The following PIK3CB variants were observed in gnomAD, a reference collection of about 807,000 sequenced individuals.
PIK3CB encodes the protein phosphatidylinositol-4,5-bisphosphate 3-kinase catalytic subunit beta, also known as phosphatidylinositol 4,5-bisphosphate 3-kinase catalytic subunit beta isoform.
A neutral mutation model predicts 136.8 loss-of-function variants in PIK3CB; 39 were observed. The ratio of observed to expected loss-of-function variants is 0.29; its 90% confidence interval spans 0.22 to 0.37. The LOEUF (loss-of-function observed/expected upper bound fraction) is 0.37, where lower values mean the gene tolerates loss of function less well. PIK3CB is among the 10% of genes least tolerant of loss of function. The probability of loss-of-function intolerance (pLI) is 1.00; values close to 1 mark genes in which losing one functional copy is unlikely to be tolerated. For synonymous variants in PIK3CB, 428 were observed against 436.6 expected (o/e 0.98, Z 0.25); for missense variants, 868 against 1,275.4 (o/e 0.68, Z 4.87).
chr3:138,689,549 C>G (rs923971898), intron 15 of PIK3CB, among the ~76,000 whole-genome samples: 2 of 152,140 alleles, frequency 1.3e-5, no homozygotes, highest in African/African-American at 4.8e-5. Context: ...CCTTGGCCTC[C>G]CAAAGTGCTG....
At chr3:138,740,059 C>A (rs1436148378) in intron 5 of PIK3CB, among the ~76,000 whole-genome samples, 2 of 151,680 alleles carry the variant, frequency 1.3e-5, no homozygotes, top group Admixed American at 1.3e-4. Flanking sequence ...TCCCAGCTTC[C>A]AGAATTGTGA....
At chr3:138,737,674 C>A (rs757742907) in intron 6 of PIK3CB, 33 bp downstream of exon 6, 2 of 1,119,246 alleles carry the variant, frequency 1.8e-6, no homozygotes, top group Non-Finnish European at 2.5e-6. Flanking sequence ...TACTCATAGA[C>A]TTTTCTGGTA....
At chr3:138,753,066 A>T (rs2108709731) in intron 4 of PIK3CB, among the ~76,000 whole-genome samples, 1 of 152,228 alleles carries the variant, frequency 6.6e-6, no homozygotes, top group South Asian at 2.1e-4. Flanking sequence ...CTACAAAAAA[A>T]AAGAAAAAAT....
chr3:138,700,849 A>C (rs2044237184), intron 12 of PIK3CB, among the ~76,000 whole-genome samples: 1 of 152,228 alleles, frequency 6.6e-6, no homozygotes, highest in Admixed American at 6.5e-5. Context: ...AGTAACACTG[A>C]TTCAAGGAAG....
chr3:138,782,506 C>T (rs142110758), intron 2 of PIK3CB, among the ~76,000 whole-genome samples: 1 of 152,238 alleles, frequency 6.6e-6, no homozygotes, highest in Admixed American at 6.5e-5. Flanking sequence ...GACAACTATA[C>T]CAAGGTCACT....
Position 138,755,848 on chromosome 3 carries a change from A to G in PIK3CB, c.303T>C (p.Asp101=). 6.2e-7 allele frequency: 1 copy of G among 1,613,214 alleles called. No homozygotes were observed. The change falls in exon 4 of 24, where the codon GAT becomes GAC. Residue 101 remains aspartate, a synonymous_variant. Transcript: ENST00000674063. The part of the protein sequence containing the change: ...ELEDETRRLC[D]VRPFLPVLKL... Reference sequence around the variant, plus strand: ...TGAGAACTGGAAGAAAAGGTCTGACATCACAGAGTCTTCGTGTTTCATCTT... The same window carrying G: ...TGAGAACTGGAAGAAAAGGTCTGACGTCACAGAGTCTTCGTGTTTCATCTT...
At chr3:138,713,607 G>A (rs2044549550) in intron 9 of PIK3CB, among the ~76,000 whole-genome samples, 1 of 152,130 alleles carries the variant, frequency 6.6e-6, no homozygotes, top group Non-Finnish European at 1.5e-5. Context: ...GGAGGCGGAA[G>A]TTGCAGTGAG....
At chr3:138,790,021 A>G (rs1244609264) in intron 2 of PIK3CB, among the ~76,000 whole-genome samples, 1 of 152,162 alleles carries the variant, frequency 6.6e-6, no homozygotes, top group African/African-American at 2.4e-5. Context: ...AAATTCTACT[A>G]TATGCTACAA....
At chr3:138,813,902 C>T (rs908370409) in intron 1 of PIK3CB, among the ~76,000 whole-genome samples, 1 of 152,020 alleles carries the variant, frequency 6.6e-6, no homozygotes, top group Admixed American at 6.6e-5. Flanking sequence ...ACAAGTGGGG[C>T]CCTTACCACA....
intron 14 of PIK3CB, among the ~76,000 whole-genome samples, chr3:138,691,990 T>A (rs564463980): frequency 1.1e-3 from 162 of 152,330 alleles, no homozygotes; most frequent in Non-Finnish European, 1.7e-3. Flanking sequence ...TTCAAATAGT[T>A]TGAAGGATGA....
At position 138,759,349 on chromosome 3, in the gene PIK3CB, A is replaced by G; in HGVS notation, c.-6T>C. ...ATTATGAAACTGAAGCACATTCATA[A>G]CCACGGGGCCCTAGAAATCAGTAAT... On this transcript the variant is annotated 5_prime_UTR_variant, in exon 3 of 24. Transcript: ENST00000674063. The G allele has an allele frequency of 6.3e-7, 1 of 1,599,834 alleles. No individual in the cohort carries two copies. The highest frequency in any genetic ancestry group is 2.2e-5 in the East Asian group (1 of 44,764).
At chr3:138,788,997 A>AAAAAAC (rs1559879235) in intron 2 of PIK3CB, among the ~76,000 whole-genome samples, 4 of 150,194 alleles carry the variant, frequency 2.7e-5, no homozygotes, top group African/African-American at 9.9e-5. Context: ...AAAAAACAAA[A>AAAAAAC]AACAACACCA....
chr3:138,737,657 A>C, intron 6 of PIK3CB, 50 bp downstream of exon 6: 3 of 557,190 alleles, frequency 5.4e-6, no homozygotes, highest in Non-Finnish European at 8.1e-6. Context: ...ATATATATAT[A>C]TATATATACT....
At chr3:138,824,591 T>G (rs941874518) in intron 1 of PIK3CB, among the ~76,000 whole-genome samples, 14 of 151,914 alleles carry the variant, frequency 9.2e-5, no homozygotes, top group African/African-American at 3.1e-4. Context: ...ACGCTGGAGT[T>G]TGAGACCAGG....
At chr3:138,763,018 C>T (rs1333850378) in intron 2 of PIK3CB, among the ~76,000 whole-genome samples, 4 of 151,986 alleles carry the variant, frequency 2.6e-5, no homozygotes, top group African/African-American at 9.7e-5. Context: ...TATTCAAATA[C>T]CACCATGCAA....
At chr3:138,682,131 T>C in intron 18 of PIK3CB, 86 bp from the exon 19 acceptor site, 1 of 743,886 alleles carries the variant, frequency 1.3e-6, no homozygotes, top group Non-Finnish European at 2.3e-6. Context: ...CAGAATTAAC[T>C]AAAAACATTA....
chr3:138,742,790 A>G lies in PIK3CB; in HGVS notation c.398-9T>C. 6.7e-7 allele frequency: 1 copy of G among 1,485,514 alleles called. No individual in the cohort carries two copies. Among genetic ancestry groups the G allele is most frequent in the South Asian group, 1.2e-5 (1 of 83,430 alleles). The allele number at this position is 1,485,514 out of a possible 1,614,324, so 92.0% of individuals were successfully genotyped here. A position where few individuals can be genotyped will look rare whatever the true frequency, so the allele number is the denominator to read the frequency against. On this transcript the variant is annotated splice_polypyrimidine_tract_variant and intron_variant, in intron 4 of 23. Transcript: ENST00000674063. ...ATCAAATTCATGCAGACCTAAACAC[A>G]TTTTTTAAAGGTGTCATTTTCAGTA...
intron 13 of PIK3CB, among the ~76,000 whole-genome samples, chr3:138,696,116 C>T (rs938331394): frequency 4.0e-5 from 6 of 151,424 alleles, no homozygotes; most frequent in African/African-American, 9.7e-5. Context: ...AATTCACCTA[C>T]GTGAATAAAT....
At chr3:138,767,952 C>T (rs2045755442) in intron 2 of PIK3CB, among the ~76,000 whole-genome samples, 1 of 152,240 alleles carries the variant, frequency 6.6e-6, no homozygotes, top group African/African-American at 2.4e-5. Flanking sequence ...GGTCATGTTT[C>T]AGCCCTGTTT....
Sources: allele counts gnomAD v4.1 joint callset (sites outside exome capture counted in the v4.1 genomes callset), GRCh38; gene constraint gnomAD v4.1.1; transcripts MANE v1.5; gene names NCBI Gene and HGNC (gene_info 2026-07-23, HGNC 2026-07-21).